GADL1: variants seen among roughly 807,000 people sequenced by gnomAD.
GADL1 encodes the protein acidic amino acid decarboxylase GADL1.
In GADL1, 71 loss-of-function variants were observed where a neutral mutation model predicts 69.5. The ratio of observed to expected loss-of-function variants is 1.02; its 90% CI spans 0.84 to 1.25. The LOEUF (loss-of-function observed/expected upper bound fraction) is 1.25, where lower values mean the gene tolerates loss of function less well. GADL1 is among the 50% of genes most tolerant of loss of function. GADL1 has a pLI of 0.00. For synonymous variants in GADL1, 254 were observed against 214.4 expected (o/e 1.18, Z -1.62); for missense variants, 737 against 631.8 (o/e 1.17, Z -1.79).
intron 14 of GADL1, among the ~76,000 whole-genome samples, chr3:30,753,095 T>G (rs1305448647): frequency 6.6e-6 from 1 of 152,168 alleles, no homozygotes; most frequent in Non-Finnish European, 1.5e-5. Context: ...AATAAATAAG[T>G]GCAGTGTCTT....
intron 1 of GADL1, among the ~76,000 whole-genome samples, chr3:30,888,245 A>G (rs138677149): frequency 9.2e-5 from 14 of 152,286 alleles, no homozygotes; most frequent in African/African-American, 3.1e-4. Flanking sequence ...ATAGGGGAGA[A>G]AAGAGCTCTG....
At chr3:30,753,978 A>T (rs897739011) in intron 14 of GADL1, among the ~76,000 whole-genome samples, 16 of 152,180 alleles carry the variant, frequency 1.1e-4, no homozygotes, top group African/African-American at 3.6e-4. Flanking sequence ...AGCCATGGCC[A>T]CCTACGGATT....
At chr3:30,852,792 A>C in intron 4 of GADL1, among the ~76,000 whole-genome samples, 1 of 151,916 alleles carries the variant, frequency 6.6e-6, no homozygotes, top group Non-Finnish European at 1.5e-5. Flanking sequence ...GCAATTTAAC[A>C]CTCCTTTAAT....
rs1366492653 is a variant in GADL1 at position 30,860,832 on chromosome 3, C to T, written c.210+761G>A. On this transcript the variant is annotated intron_variant, in intron 2 of 14. Coordinates refer to ENST00000282538, the MANE Select transcript of GADL1 (RefSeq NM_207359.3). ...AAGTGATACTGCCTGGATTTTAGTC[C>T]CGGCTCTGATACTTGTGTATAATCT... Among the ~76,000 whole-genome samples, 6 of 151,930 alleles carry T rather than the reference C, an allele frequency of 3.9e-5. No individual in the cohort carries two copies. In the South Asian group the frequency reaches 1.0e-3, roughly 26 times the overall value.
At chr3:30,764,923 C>T (rs1461017139) in intron 14 of GADL1, among the ~76,000 whole-genome samples, 1 of 123,642 alleles carries the variant, frequency 8.1e-6, no homozygotes, top group African/African-American at 3.0e-5. Context: ...ATTTCTAGAA[C>T]ATCCTGCAAA....
intron 12 of GADL1, among the ~76,000 whole-genome samples, chr3:30,786,920 A>T (rs540350062): frequency 3.3e-4 from 51 of 152,300 alleles, no homozygotes; most frequent in East Asian, 3.3e-3. Flanking sequence ...AAGTAGGCTG[A>T]TTATCCTCAG....
intron 6 of GADL1, among the ~76,000 whole-genome samples, chr3:30,847,784 G>A (rs1291915068): frequency 1.3e-5 from 2 of 152,184 alleles, no homozygotes; most frequent in African/African-American, 4.8e-5. Context: ...TCTTTGGAAA[G>A]TTTTTAAAAA....
intron 12 of GADL1, chr3:30,799,547 C>T (rs1353608912): frequency 6.6e-6 from 1 of 152,124 alleles, no homozygotes; most frequent in Non-Finnish European, 1.5e-5. Context: ...CCATGAAGAC[C>T]TATGACATGC....
chr3:30,864,228 T>A (rs531621045), intron 1 of GADL1, among the ~76,000 whole-genome samples: 104 of 151,676 alleles, frequency 6.9e-4, no homozygotes, highest in Non-Finnish European at 1.4e-3. Flanking sequence ...AGTGCTATTA[T>A]TAAGCACGCA....
intron 14 of GADL1, among the ~76,000 whole-genome samples, chr3:30,774,837 A>G (rs1026424352): frequency 6.6e-6 from 1 of 152,110 alleles, no homozygotes; most frequent in Non-Finnish European, 1.5e-5. Context: ...ATATGGGACT[A>G]GGGAACAGGA....
chr3:30,775,565 A>G (rs1696518283), intron 14 of GADL1, among the ~76,000 whole-genome samples: 1 of 143,374 alleles, frequency 7.0e-6, no homozygotes. Context: ...ATTTGTCTGC[A>G]GCATGCATTT....
intron 1 of GADL1, among the ~76,000 whole-genome samples, chr3:30,867,910 TGTG>T (rs916326862): frequency 1.3e-5 from 2 of 152,042 alleles, no homozygotes; most frequent in African/African-American, 4.8e-5. Flanking sequence ...AATTAAGGGT[TGTG>T]GTTATAGGAG....
chr3:30,775,562 T>G (rs1696518190), intron 14 of GADL1, among the ~76,000 whole-genome samples: 1 of 144,434 alleles, frequency 6.9e-6, no homozygotes, highest in African/African-American at 2.9e-5. Flanking sequence ...ATAATTTGTC[T>G]GCAGCATGCA....
intron 14 of GADL1, among the ~76,000 whole-genome samples, chr3:30,742,348 C>T (rs1418680093): frequency 6.6e-6 from 1 of 150,408 alleles, no homozygotes; most frequent in Non-Finnish European, 1.5e-5. Flanking sequence ...TTTAAGTTAA[C>T]TCTTAGTTAT....
intron 1 of GADL1, among the ~76,000 whole-genome samples, chr3:30,863,045 ACACACACACT>A (rs1204499676): frequency 6.7e-6 from 1 of 149,652 alleles, no homozygotes; most frequent in Non-Finnish European, 1.5e-5. Flanking sequence ...ACACACACAC[ACACACACACT>A]CTCTCTCACA....
chr3:30,881,232 A>G (rs1374611048), intron 1 of GADL1, among the ~76,000 whole-genome samples: 2 of 151,688 alleles, frequency 1.3e-5, no homozygotes, highest in Non-Finnish European at 2.9e-5. Flanking sequence ...TCATTTACAT[A>G]CACTTTGTAT....
chr3:30,787,608 G>A (rs1023054282), intron 12 of GADL1, among the ~76,000 whole-genome samples: 4 of 152,028 alleles, frequency 2.6e-5, no homozygotes, highest in African/African-American at 4.8e-5. Flanking sequence ...AAATCACACC[G>A]AACATCAGGA....
chr3:30,799,672 T>A (rs1253570962), intron 12 of GADL1: 3 of 152,210 alleles, frequency 2.0e-5, no homozygotes, highest in Non-Finnish European at 4.4e-5. Flanking sequence ...TTCTACTGCA[T>A]CGTCAGGCTG....
chr3:30,830,325 G>T (rs920704842), intron 11 of GADL1, among the ~76,000 whole-genome samples: 2 of 151,884 alleles, frequency 1.3e-5, no homozygotes, highest in South Asian at 4.1e-4. Flanking sequence ...TGGGCCTTTG[G>T]ATCTTCATCT....
Sources: allele counts gnomAD v4.1 joint callset (sites outside exome capture counted in the v4.1 genomes callset), GRCh38; gene constraint gnomAD v4.1.1; transcripts MANE v1.5; gene names NCBI Gene and HGNC (gene_info 2026-07-23, HGNC 2026-07-21).